EXD3: variants seen among roughly 807,000 people sequenced by gnomAD.
The protein encoded by EXD3 is exonuclease mut-7 homolog.
In EXD3, 92 loss-of-function variants were observed where a neutral mutation model predicts 98.0. That is an observed-to-expected ratio of 0.94 (90% confidence interval 0.79 to 1.12). The LOEUF is 1.12. Ranked by LOEUF, EXD3 falls within the 50% of genes most tolerant of loss-of-function variation. The pLI, the probability that EXD3 is intolerant of heterozygous loss-of-function variation, is 0.00. For synonymous variants in EXD3, 569 were observed against 526.0 expected (o/e 1.08, Z -1.12); for missense variants, 1,222 against 1,191.6 (o/e 1.03, Z -0.38).
At chr9:137,390,079 G>A (rs981215376) in intron 2 of EXD3, among the ~76,000 whole-genome samples, 4 of 117,576 alleles carry the variant, frequency 3.4e-5, no homozygotes, top group East Asian at 5.2e-4. Context: ...CCAAGGTTGC[G>A]ACATTGCACT....
chr9:137,325,125 G>C (rs1432999992), intron 17 of EXD3, among the ~76,000 whole-genome samples: 4 of 152,190 alleles, frequency 2.6e-5, no homozygotes, highest in Non-Finnish European at 5.9e-5. Flanking sequence ...CTAGAGACAA[G>C]ACCCAATCCC....
intron 17 of EXD3, among the ~76,000 whole-genome samples, chr9:137,342,334 C>G (rs1271240825): frequency 7.5e-6 from 1 of 134,110 alleles, no homozygotes; most frequent in Admixed American, 7.5e-5. Context: ...CACCAGGAGC[C>G]GTCTCCCAGG....
Position 137,356,315 on chromosome 9 carries a change from A to G in EXD3, c.710T>C (p.Leu237Pro). The G allele has an allele frequency of 6.2e-7, 1 of 1,604,912 alleles. No homozygotes were observed. The highest frequency in any genetic ancestry group is 1.1e-5 in the South Asian group (1 of 89,182). Residue 237 changes from leucine to proline, a missense_variant, in exon 8 of 22, where the codon CTG (leucine) becomes CCG (proline). By Grantham distance (98) the Leu-to-Pro change is moderately conservative. Coordinates refer to ENST00000340951, the MANE Select transcript of EXD3 (RefSeq NM_017820.5). ...CTGCAGACGCAAGACCTGCCTGCTCAGCGCCTTCGGACTCAGCTTCTCCAG... is the reference window on the plus strand; with the variant it reads ...CTGCAGACGCAAGACCTGCCTGCTCGGCGCCTTCGGACTCAGCTTCTCCAG... The part of the protein sequence containing the change: ...LSLEKLSPKA[L>P]SRQVLRLQER...
chr9:137,416,126 C>T (rs1373631306), intron 1 of EXD3, among the ~76,000 whole-genome samples: 2 of 152,246 alleles, frequency 1.3e-5, no homozygotes, highest in African/African-American at 2.4e-5. Flanking sequence ...GGTGACAGGG[C>T]CTCTGCCTGC....
At chr9:137,419,890 T>C (rs1211818347) in intron 1 of EXD3, among the ~76,000 whole-genome samples, 1 of 152,106 alleles carries the variant, frequency 6.6e-6, no homozygotes, top group Non-Finnish European at 1.5e-5. Context: ...CCGGGCGCGG[T>C]GGCTCATGCC....
chr9:137,392,961 G>T, intron 2 of EXD3: 1 of 597,442 alleles, frequency 1.7e-6, no homozygotes. Flanking sequence ...GTTCCAGGGG[G>T]TGCTGAGGCT....
chr9:137,356,514 A>G, intron 7 of EXD3, 146 bp from the exon 8 acceptor site: 2 of 604,680 alleles, frequency 3.3e-6, no homozygotes, highest in East Asian at 5.6e-5. Context: ...CCCCCCGCCC[A>G]CCCCATCCTT....
At chr9:137,416,148 G>A (rs1838218892) in intron 1 of EXD3, among the ~76,000 whole-genome samples, 1 of 152,208 alleles carries the variant, frequency 6.6e-6, no homozygotes, top group South Asian at 2.1e-4. Flanking sequence ...GCCGGCCACT[G>A]CCAGCCACAC....
chr9:137,308,237 C>T (rs1220480239), intron 20 of EXD3, among the ~76,000 whole-genome samples: 1 of 152,154 alleles, frequency 6.6e-6, no homozygotes, highest in Non-Finnish European at 1.5e-5. Flanking sequence ...GAAGCGTCTG[C>T]CCTGCTCCTG....
At chr9:137,372,845 T>C (rs1024553110) in intron 5 of EXD3, 60 bp downstream of exon 5, 16 of 1,562,520 alleles carry the variant, frequency 1.0e-5, no homozygotes, top group South Asian at 9.2e-5. Context: ...GCCAGGCGCG[T>C]CCTTGCCCCA....
At chr9:137,361,698 A>G (rs572384467) in intron 7 of EXD3, among the ~76,000 whole-genome samples, 22 of 149,702 alleles carry the variant, frequency 1.5e-4, no homozygotes, top group African/African-American at 5.1e-4. Flanking sequence ...GTGAGCTGAG[A>G]TCGCGCCACT....
In EXD3 at chr9:137,405,473, GGCCACTCACCCGTCCCCA is replaced by G. The variant is rs940492245; in HGVS notation, c.-47-10087_-47-10070del. 1.4e-4 allele frequency among the ~76,000 whole-genome samples: 22 copies of G among 152,178 alleles called. No homozygotes were observed. The highest frequency in any genetic ancestry group is 7.3e-5 in the Non-Finnish European group (5 of 68,034). ...GACGGAGCCCAGGGCGGCCGTCGCA[GGCCACTCACCCGTCCCCA>G]GCCACTCACCCGTCCCCAGCATCCA... On this transcript the variant is annotated intron_variant, in intron 1 of 21. Coordinates refer to ENST00000340951, the MANE Select transcript of EXD3 (RefSeq NM_017820.5). The surrounding 1 kb of genome is among the most constrained non-coding windows in gnomAD (Gnocchi z 4.1).
At chr9:137,396,967 C>T (rs1837244671) in intron 1 of EXD3, among the ~76,000 whole-genome samples, 2 of 152,242 alleles carry the variant, frequency 1.3e-5, no homozygotes, top group African/African-American at 4.8e-5. Context: ...AGTGTCCCAC[C>T]ATGCCGAGGG....
At chr9:137,354,454 G>A (rs918585809) in intron 9 of EXD3, 77 bp from the exon 10 acceptor site, 20 of 1,597,624 alleles carry the variant, frequency 1.3e-5, no homozygotes, top group South Asian at 5.6e-5. Flanking sequence ...AGTTTTCCTC[G>A]ACCCCTGGCA....
At position 137,307,057 on chromosome 9, in the gene EXD3, C is replaced by T. The variant is rs775413905; in HGVS notation, c.2524G>A (p.Gly842Ser). 37 of 1,611,984 alleles carry T rather than the reference C, an allele frequency of 2.3e-5. No homozygotes were observed. In the African/African-American group the frequency reaches 3.2e-4, roughly 14 times the overall value. Reference sequence around the variant, plus strand: ...GTGGCAACACGACCCAGGTGGGAGCCGTCCCAGAAGACCTTTCCACAGCCC... The same window carrying T: ...GTGGCAACACGACCCAGGTGGGAGCTGTCCCAGAAGACCTTTCCACAGCCC... ...CTGCGKVFWD[G>S]SHLGRVATHF... Residue 842 changes from glycine (G) to serine (S), a missense_variant, in exon 22 of 22, where the codon GGC (glycine) becomes AGC (serine). By Grantham distance (56) the Gly-to-Ser change is moderately conservative (BLOSUM62 0). Coordinates refer to ENST00000340951, the MANE Select transcript of EXD3 (RefSeq NM_017820.5).
At chr9:137,355,671 GGGAGGATGGAGGAAGGAGA>G (rs1834710942) in intron 8 of EXD3, among the ~76,000 whole-genome samples, 4 of 19,084 alleles carry the variant, frequency 2.1e-4, no homozygotes, top group Admixed American at 1.4e-3. Context: ...GAAGGAGAAA[GGGAGGATGGAGGAAGGAGA>G]AAGGGAGGAA....
intron 19 of EXD3, among the ~76,000 whole-genome samples, chr9:137,312,319 G>A (rs1013034393): frequency 2.6e-5 from 4 of 152,176 alleles, no homozygotes; most frequent in African/African-American, 9.7e-5. Flanking sequence ...AGGTGAATGG[G>A]GGGCAGGAAT....
At position 137,356,395 on chromosome 9, in the gene EXD3, T is replaced by C. The variant is rs542799083; in HGVS notation, c.657-27A>G. 7.8e-6 allele frequency: 11 copies of C among 1,408,988 alleles called. No individual in the cohort carries two copies. The East Asian group carries it at 1.2e-4, about 15-fold the overall frequency. The allele number at this position is 1,408,988 out of a possible 1,614,324, so 87.3% of individuals were successfully genotyped here. On this transcript the variant is annotated intron_variant, in intron 7 of 21. Coordinates refer to ENST00000340951, the MANE Select transcript of EXD3 (RefSeq NM_017820.5). The stretch of plus-strand genomic sequence containing the variant: ...TGTGGGGAGAGAGAGGCACAGCCTC[T>C]GTTGCTGTTTTAAGTTAATACATTT...
Position 137,378,765 on chromosome 9 carries a change from G to A in EXD3, c.120+4548C>T, listed in dbSNP as rs181612450. On this transcript the variant is annotated intron_variant, in intron 3 of 21. Coordinates refer to ENST00000340951, the MANE Select transcript of EXD3 (RefSeq NM_017820.5). ...ACAAAAGACCCCATGTTATGTGACCGCATGTGTGTGAACTGTCCAGAAGTG... is the reference window on the plus strand; with the variant it reads ...ACAAAAGACCCCATGTTATGTGACCACATGTGTGTGAACTGTCCAGAAGTG... Among the ~76,000 whole-genome samples the A allele has an allele frequency of 2.8e-3, 428 of 152,374 alleles. 1 individual carries two copies. Among genetic ancestry groups the A allele is most frequent in the Non-Finnish European group, 4.2e-3 (287 of 68,042 alleles).
Sources: gnomAD v4.1 joint callset for allele counts (sites outside exome capture counted in the v4.1 genomes callset) on GRCh38, gnomAD v4.1.1 for gene constraint, Gnocchi (gnomAD v3.1) non-coding constraint, MANE v1.5 for transcripts, NCBI Gene and HGNC (gene_info 2026-07-23, HGNC 2026-07-21) for gene names.